TMEM132D: variants seen among roughly 807,000 people sequenced by gnomAD.
TMEM132D encodes transmembrane protein 132D.
TMEM132D carries 21 observed loss-of-function variants against 62.3 expected under a neutral mutation model. That is an observed-to-expected ratio of 0.34 (90% CI 0.24 to 0.49). The LOEUF is 0.49. Ranked by LOEUF, TMEM132D falls within the 20% of genes least tolerant of loss-of-function variation. The pLI, the probability that TMEM132D is intolerant of heterozygous loss-of-function variation, is 0.99. For missense variants in TMEM132D, 1,346 were observed against 1,402.8 expected (o/e 0.96, Z 0.65); for synonymous variants, 621 against 575.6 (o/e 1.08, Z -1.13).
At chr12:129,807,703 C>A (rs1036849009) in intron 1 of TMEM132D, among the ~76,000 whole-genome samples, 3 of 152,198 alleles carry the variant, frequency 2.0e-5, no homozygotes, top group African/African-American at 7.2e-5. Context: ...GAAAGGCGGG[C>A]AGGCTGGAGC....
intron 3 of TMEM132D, among the ~76,000 whole-genome samples, chr12:129,403,252 GC>G (rs140897825): frequency 3.8e-3 from 563 of 148,220 alleles, no homozygotes; most frequent in Non-Finnish European, 6.7e-3. Context: ...GCTCCAGCCC[GC>G]GGAGGTTAGA....
intron 4 of TMEM132D, among the ~76,000 whole-genome samples, chr12:129,267,764 T>C (rs1880735540): frequency 1.3e-5 from 2 of 152,288 alleles, no homozygotes; most frequent in South Asian, 4.1e-4. Context: ...AGAGGCATCA[T>C]GCTACCTGAC....
In TMEM132D at chr12:129,887,208, A is replaced by T. The variant is rs527693280; in HGVS notation, c.79+16053T>A. On this transcript the variant is annotated intron_variant, in intron 1 of 8. Coordinates refer to ENST00000422113, the MANE Select transcript of TMEM132D (RefSeq NM_133448.3). ...AAAACAGCACTGGCAGGAGGAGAGG[A>T]GCCTGTGCAGACCGCCCGCCCCTCC... 2.0e-5 allele frequency among the ~76,000 whole-genome samples: 3 copies of T among 152,236 alleles called. No individual in the cohort carries two copies. The East Asian group carries it at 5.8e-4, about 29-fold the overall frequency.
In TMEM132D at chr12:129,155,242, T is replaced by C. The variant is rs1033181568; in HGVS notation, c.1443+54278A>G. ...GCATCTCTGGCATTCAATTTGCACC[T>C]GACTTTCCAAGCTTCTCCAGGTTGG... On this transcript the variant is annotated intron_variant, in intron 5 of 8. Coordinates refer to ENST00000422113, the MANE Select transcript of TMEM132D (RefSeq NM_133448.3). 4.6e-5 allele frequency among the ~76,000 whole-genome samples: 7 copies of C among 152,384 alleles called. No individual in the cohort carries two copies. In the South Asian group the frequency reaches 1.2e-3, roughly 27 times the overall value.
intron 2 of TMEM132D, among the ~76,000 whole-genome samples, chr12:129,576,603 T>TACACACAC (rs140376991): frequency 8.7e-5 from 13 of 149,948 alleles, no homozygotes; most frequent in African/African-American, 2.5e-4. Context: ...ATACATATTA[T>TACACACAC]ACACACACAC....
At chr12:129,515,733 C>A (rs1283618876) in intron 3 of TMEM132D, among the ~76,000 whole-genome samples, 1 of 152,174 alleles carries the variant, frequency 6.6e-6, no homozygotes, top group Non-Finnish European at 1.5e-5. Context: ...GCTATATCCC[C>A]AACCCCATTC....
chr12:129,488,178 G>A (rs1304834593), intron 3 of TMEM132D, among the ~76,000 whole-genome samples: 2 of 152,050 alleles, frequency 1.3e-5, no homozygotes, highest in Admixed American at 1.3e-4. Flanking sequence ...GAAATAAGTT[G>A]CTGTTCTTTA....
intron 2 of TMEM132D, among the ~76,000 whole-genome samples, chr12:129,688,441 T>C (rs1451906): frequency 0.21 from 31,835 of 152,000 alleles, 3,912 homozygotes; most frequent in Middle Eastern, 0.28. Context: ...TAATGAGCCA[T>C]TGCTATTGAA....
chr12:129,214,742 A>T (rs965552362), intron 4 of TMEM132D, among the ~76,000 whole-genome samples: 2 of 152,240 alleles, frequency 1.3e-5, no homozygotes, highest in Admixed American at 6.5e-5. Flanking sequence ...AATGCAAATC[A>T]AAACCACAAT....
At chr12:129,181,777 C>A (rs763741101) in intron 5 of TMEM132D, among the ~76,000 whole-genome samples, 3 of 152,178 alleles carry the variant, frequency 2.0e-5, no homozygotes, top group Non-Finnish European at 4.4e-5. Context: ...AAGTCATCAT[C>A]TCTGTGATAT....
rs919733710 is a variant in TMEM132D at position 129,295,461 on chromosome 12, G to A, written c.1299+42173C>T. Among the ~76,000 whole-genome samples, 6 of 125,022 alleles carry A rather than the reference G, an allele frequency of 4.8e-5. 1 individual carries two copies. The highest frequency in any genetic ancestry group is 1.0e-4 in the Admixed American group (1 of 9,810). 82.0% of individuals were successfully genotyped at this position (125,022 alleles called of 152,430 possible). A position where few individuals can be genotyped will look rare whatever the true frequency, so the allele number is the denominator to read the frequency against. ...TTTTTTTTTTTTGAGACAGTATCTC[G>A]TCCTTCTTGCCCAGGCTGGAGTGCA... On this transcript the variant is annotated intron_variant, in intron 4 of 8. Coordinates refer to ENST00000422113, the MANE Select transcript of TMEM132D (RefSeq NM_133448.3).
At chr12:129,555,318 A>C (rs1877024031) in intron 2 of TMEM132D, among the ~76,000 whole-genome samples, 1 of 152,236 alleles carries the variant, frequency 6.6e-6, no homozygotes. Context: ...TGAAAAAGTA[A>C]GTCTGTTTCA....
At chr12:129,719,445 G>A (rs1868730393) in intron 1 of TMEM132D, among the ~76,000 whole-genome samples, 1 of 152,198 alleles carries the variant, frequency 6.6e-6, no homozygotes, top group Non-Finnish European at 1.5e-5. Flanking sequence ...TGCTTGTACA[G>A]CACAATAAGA....
intron 1 of TMEM132D, among the ~76,000 whole-genome samples, chr12:129,799,423 AT>A (rs1176547987): frequency 0.031 from 30 of 980 alleles, no homozygotes; most frequent in East Asian, 0.26. Flanking sequence ...ATATGTGTAT[AT>A]ATGTGTATAT....
intron 2 of TMEM132D, among the ~76,000 whole-genome samples, chr12:129,665,313 TAG>T (rs1301088396): frequency 3.9e-5 from 6 of 152,148 alleles, no homozygotes; most frequent in African/African-American, 1.2e-4. Flanking sequence ...GAAAGAGGTT[TAG>T]ATGTACCAGC....
chr12:129,242,323 C>T (rs1292429801), intron 4 of TMEM132D, among the ~76,000 whole-genome samples: 5 of 152,170 alleles, frequency 3.3e-5, no homozygotes, highest in African/African-American at 1.2e-4. Flanking sequence ...TTTATGCACA[C>T]AGTGAGTGCA....
intron 4 of TMEM132D, among the ~76,000 whole-genome samples, chr12:129,307,743 A>G (rs1210219011): frequency 6.6e-6 from 1 of 152,200 alleles, no homozygotes; most frequent in Non-Finnish European, 1.5e-5. Context: ...CTCTGCACCA[A>G]GACAGTCCAA....
chr12:129,869,829 T>A (rs1379770970), intron 1 of TMEM132D, among the ~76,000 whole-genome samples: 2 of 152,200 alleles, frequency 1.3e-5, no homozygotes, highest in Admixed American at 6.5e-5. Context: ...ATCATACACA[T>A]GAATATGCAT....
intron 2 of TMEM132D, among the ~76,000 whole-genome samples, chr12:129,593,302 T>C (rs759827799): frequency 6.6e-6 from 1 of 152,202 alleles, no homozygotes; most frequent in Admixed American, 6.5e-5. Flanking sequence ...AATGGCATCC[T>C]GGCAAAACTA....
Sources: allele counts gnomAD v4.1 joint callset (sites outside exome capture counted in the v4.1 genomes callset), GRCh38; gene constraint gnomAD v4.1.1; transcripts MANE v1.5; gene names NCBI Gene and HGNC (gene_info 2026-07-23, HGNC 2026-07-21).